The following ZMAT4 variants were observed in gnomAD, a reference collection of about 807,000 sequenced individuals.
ZMAT4 encodes zinc finger matrin-type protein 4.
In ZMAT4, 17 loss-of-function variants were observed where a neutral mutation model predicts 28.7. The ratio of observed to expected loss-of-function variants is 0.59; its 90% CI spans 0.41 to 0.89. The LOEUF (loss-of-function observed/expected upper bound fraction) is 0.89, where lower values mean the gene tolerates loss of function less well. ZMAT4 is among the 40% of genes least tolerant of loss of function. The probability of loss-of-function intolerance (pLI) is 0.00; values close to 1 mark genes in which losing one functional copy is unlikely to be tolerated. For synonymous variants in ZMAT4, 117 were observed against 109.2 expected (o/e 1.07, Z -0.44); for missense variants, 240 against 283.8 (o/e 0.85, Z 1.11).
At chr8:40,536,025 T>C (rs758487109) in intron 6 of ZMAT4, among the ~76,000 whole-genome samples, 11 of 152,214 alleles carry the variant, frequency 7.2e-5, no homozygotes, top group Non-Finnish European at 1.5e-4. Context: ...TGAACAGTCA[T>C]GACTTGGAAC....
chr8:40,646,617 A>C (rs1470048920), intron 5 of ZMAT4, among the ~76,000 whole-genome samples: 1 of 152,170 alleles, frequency 6.6e-6, no homozygotes, highest in African/African-American at 2.4e-5. Context: ...TCTAGAGGCA[A>C]ATAAGGACAT....
intron 2 of ZMAT4, among the ~76,000 whole-genome samples, chr8:40,814,496 AG>A (rs1815454856): frequency 6.6e-6 from 1 of 152,244 alleles, no homozygotes; most frequent in Non-Finnish European, 1.5e-5. Flanking sequence ...TCACTACACA[AG>A]TATTCACAAG....
chr8:40,765,295 A>G (rs1336613096), intron 3 of ZMAT4, among the ~76,000 whole-genome samples: 1 of 152,156 alleles, frequency 6.6e-6, no homozygotes, highest in African/African-American at 2.4e-5. Context: ...AATTACCAAT[A>G]TACACTCTTA....
chr8:40,816,100 C>T (rs1270856472), intron 2 of ZMAT4, among the ~76,000 whole-genome samples: 4 of 152,296 alleles, frequency 2.6e-5, no homozygotes, highest in Admixed American at 6.5e-5. Flanking sequence ...GTTTCATTTT[C>T]CTCCTGGGCA....
At chr8:40,785,500 C>T (rs1814035188) in intron 2 of ZMAT4, among the ~76,000 whole-genome samples, 1 of 152,222 alleles carries the variant, frequency 6.6e-6, no homozygotes, top group Non-Finnish European at 1.5e-5. Flanking sequence ...GTCTCACTGT[C>T]TCAGACTGAA....
At chr8:40,747,308 G>C (rs1160869802) in intron 3 of ZMAT4, among the ~76,000 whole-genome samples, 1 of 152,088 alleles carries the variant, frequency 6.6e-6, no homozygotes, top group Non-Finnish European at 1.5e-5. Flanking sequence ...ATAATGCAGG[G>C]AAGTTACATG....
chr8:40,780,463 A>G (rs568568959), intron 2 of ZMAT4, among the ~76,000 whole-genome samples: 2 of 152,358 alleles, frequency 1.3e-5, no homozygotes, highest in South Asian at 2.1e-4. Flanking sequence ...AGAAAGAACC[A>G]TTATCTTTCC....
chr8:40,825,438 C>A lies in ZMAT4; in HGVS notation c.102+137G>T, dbSNP rs1030061106. ...CATATACACTTGTCCTGGCCTTGAC[C>A]TCAGACTGTACAGGCTCAAGTCCTG... On this transcript the variant is annotated intron_variant, in intron 2 of 6. Transcript: ENST00000297737. 5.0e-5 allele frequency: 34 copies of A among 686,228 alleles called. No individual in the cohort carries two copies. In the Admixed American group the frequency reaches 6.0e-4, roughly 12 times the overall value. 42.5% of individuals were successfully genotyped at this position (686,228 alleles called of 1,614,324 possible).
In ZMAT4 at chr8:40,611,882, A is replaced by T. The variant is rs116974996; in HGVS notation, c.578-30621T>A. The stretch of plus-strand genomic sequence containing the variant: ...ATCATCTATTTTCATTTCACAGAAA[A>T]AATGTAGTACCAAACTGAAAGATTT... On this transcript the variant is annotated intron_variant, in intron 5 of 6. Transcript: ENST00000297737. Among the ~76,000 whole-genome samples the T allele has an allele frequency of 1.9e-3, 295 of 152,340 alleles. 2 individuals carry two copies. Among genetic ancestry groups the T allele is most frequent in the Admixed American group, 4.7e-3 (72 of 15,308 alleles).
At chr8:40,556,454 T>A (rs1158039724) in intron 6 of ZMAT4, among the ~76,000 whole-genome samples, 1 of 152,152 alleles carries the variant, frequency 6.6e-6, no homozygotes, top group Middle Eastern at 3.2e-3. Context: ...TTTATACAAC[T>A]GTCTTTTACT....
chr8:40,708,724 A>G (rs1810476185), intron 3 of ZMAT4, among the ~76,000 whole-genome samples: 1 of 145,090 alleles, frequency 6.9e-6, no homozygotes, highest in Non-Finnish European at 1.5e-5. Context: ...ATCTCAGCTC[A>G]CTGCAACCTC....
intron 6 of ZMAT4, among the ~76,000 whole-genome samples, chr8:40,553,569 A>C (rs1803431924): frequency 6.6e-6 from 1 of 152,184 alleles, no homozygotes; most frequent in Admixed American, 6.5e-5. Flanking sequence ...GAGGACCAAA[A>C]TAGTCGCACC....
chr8:40,598,539 A>G (rs1052184640), intron 5 of ZMAT4, among the ~76,000 whole-genome samples: 6 of 152,122 alleles, frequency 3.9e-5, no homozygotes, highest in Non-Finnish European at 8.8e-5. Flanking sequence ...AAAGGACATG[A>G]TCTCATTCTT....
At chr8:40,685,592 T>A (rs1809366071) in intron 4 of ZMAT4, among the ~76,000 whole-genome samples, 1 of 151,212 alleles carries the variant, frequency 6.6e-6, no homozygotes, top group Non-Finnish European at 1.5e-5. Flanking sequence ...AAAATATGAA[T>A]GATTTATTTT....
chr8:40,588,533 C>T (rs1804747097), intron 5 of ZMAT4, among the ~76,000 whole-genome samples: 1 of 152,062 alleles, frequency 6.6e-6, no homozygotes. Context: ...TTCTCAACAT[C>T]ATGTGTCATC....
chr8:40,706,644 C>T (rs1369068387), intron 3 of ZMAT4, among the ~76,000 whole-genome samples: 1 of 152,164 alleles, frequency 6.6e-6, no homozygotes, highest in Non-Finnish European at 1.5e-5. Context: ...TTAAATTCCG[C>T]TAACATCTAA....
In ZMAT4 at chr8:40,680,740, T is replaced by A. The variant is rs146980864; in HGVS notation, c.350-5809A>T. On this transcript the variant is annotated intron_variant, in intron 4 of 6. Transcript: ENST00000297737. ...CACACACACACACACACATATACTT[T>A]CTCTCTCTCTCTACATCCCCCATCA... is the stretch of plus-strand genomic sequence containing the variant. 3.1e-3 allele frequency among the ~76,000 whole-genome samples: 463 copies of A among 149,108 alleles called. 2 individuals are homozygous for A. The highest frequency in any genetic ancestry group is 0.011 in the African/African-American group (433 of 39,960).
intron 1 of ZMAT4, among the ~76,000 whole-genome samples, chr8:40,855,170 A>C (rs372802438): frequency 4.6e-5 from 7 of 152,142 alleles, no homozygotes; most frequent in African/African-American, 1.7e-4. Context: ...CTGCCCACTT[A>C]ACTTAGGCTC....
At chr8:40,776,636 C>T (rs1586033919) in intron 2 of ZMAT4, among the ~76,000 whole-genome samples, 1 of 152,090 alleles carries the variant, frequency 6.6e-6, no homozygotes, top group Non-Finnish European at 1.5e-5. Flanking sequence ...AGCACTATTT[C>T]CCCAGAAAGC....
Sources: allele counts gnomAD v4.1 joint callset (sites outside exome capture counted in the v4.1 genomes callset), GRCh38; gene constraint gnomAD v4.1.1; transcripts MANE v1.5; gene names NCBI Gene and HGNC (gene_info 2026-07-23, HGNC 2026-07-21).